XYLT1: variants seen among roughly 807,000 people sequenced by gnomAD.
The protein encoded by XYLT1 is beta-D-xylosyltransferase 1.
Under a neutral mutation model 91.3 loss-of-function variants are expected in XYLT1, and 36 were observed. The ratio of observed to expected loss-of-function variants is 0.39; its 90% CI spans 0.30 to 0.52. The LOEUF (loss-of-function observed/expected upper bound fraction) is 0.52, where lower values mean the gene tolerates loss of function less well. Ranked by LOEUF, XYLT1 falls within the 20% of genes least tolerant of loss-of-function variation. XYLT1 has a pLI of 0.68. For missense variants in XYLT1, 1,242 were observed against 1,284.5 expected, an observed-to-expected ratio of 0.97 and a Z score of 0.51; for synonymous variants, 588 against 532.0, an observed-to-expected ratio of 1.11 and a Z score of -1.45.
intron 1 of XYLT1, among the ~76,000 whole-genome samples, chr16:17,372,031 G>C (rs954322264): frequency 6.6e-6 from 1 of 152,128 alleles, no homozygotes; most frequent in African/African-American, 2.4e-5. Context: ...CCCATTCTTG[G>C]TACTAATTTC....
At chr16:17,135,484 C>T (rs2030679508) in intron 8 of XYLT1, among the ~76,000 whole-genome samples, 1 of 151,294 alleles carries the variant, frequency 6.6e-6, no homozygotes, top group Admixed American at 6.6e-5. Flanking sequence ...ACTGCCGCTG[C>T]ACTCCAGCCT....
chr16:17,262,649 T>C (rs2033740299), intron 2 of XYLT1, among the ~76,000 whole-genome samples: 1 of 152,170 alleles, frequency 6.6e-6, no homozygotes, highest in Admixed American at 6.5e-5. Context: ...AAACATGCTA[T>C]GGCCAAGAGC....
intron 2 of XYLT1, among the ~76,000 whole-genome samples, chr16:17,261,685 A>C (rs115670298): frequency 7.6e-4 from 116 of 152,262 alleles, no homozygotes; most frequent in African/African-American, 2.8e-3. Context: ...CTAGTGGCCT[A>C]TTGTGTTGCA....
intron 4 of XYLT1, 115 bp downstream of exon 4, chr16:17,200,367 C>A: frequency 7.3e-7 from 1 of 1,372,406 alleles, no homozygotes; most frequent in Non-Finnish European, 1.0e-6. Context: ...GGTCAGCTTC[C>A]AAGCCTTTTC....
intron 1 of XYLT1, among the ~76,000 whole-genome samples, chr16:17,367,642 G>C (rs971922838): frequency 2.0e-5 from 3 of 152,202 alleles, no homozygotes; most frequent in Non-Finnish European, 2.9e-5. Context: ...ATCCAAAATC[G>C]TGAGTTCAAG....
intron 2 of XYLT1, among the ~76,000 whole-genome samples, chr16:17,273,670 C>G (rs1287712599): frequency 1.3e-5 from 2 of 151,826 alleles, no homozygotes; most frequent in African/African-American, 4.8e-5. Flanking sequence ...ATGATGAAAC[C>G]CTGTCTCTAC....
intron 10 of XYLT1, among the ~76,000 whole-genome samples, chr16:17,120,842 C>T (rs2030025949): frequency 6.6e-6 from 1 of 152,118 alleles, no homozygotes; most frequent in Non-Finnish European, 1.5e-5. Context: ...ATATATTGAG[C>T]ACCTATTGTC....
chr16:17,279,060 G>A (rs2034019055), intron 2 of XYLT1, among the ~76,000 whole-genome samples: 1 of 152,196 alleles, frequency 6.6e-6, no homozygotes, highest in Non-Finnish European at 1.5e-5. Flanking sequence ...TCATGATACA[G>A]TCTCTCCCTC....
chr16:17,416,659 C>T (rs1002293861), intron 1 of XYLT1, among the ~76,000 whole-genome samples: 3 of 152,150 alleles, frequency 2.0e-5, no homozygotes, highest in Non-Finnish European at 2.9e-5. Context: ...AGCCTTTACC[C>T]TCCCCAGCTC....
At chr16:17,331,971 G>A (rs1408749796) in intron 2 of XYLT1, among the ~76,000 whole-genome samples, 1 of 152,178 alleles carries the variant, frequency 6.6e-6, no homozygotes, top group Non-Finnish European at 1.5e-5. Context: ...CCTGGAGAGT[G>A]GGTTTCTGTT....
chr16:17,111,488 A>G (rs951894273), intron 11 of XYLT1, among the ~76,000 whole-genome samples: 15 of 152,162 alleles, frequency 9.9e-5, no homozygotes, highest in African/African-American at 3.6e-4. Context: ...ATTACAAGAA[A>G]CCTTCCAAGA....
intron 3 of XYLT1, chr16:17,249,953 G>A (rs2033510316): frequency 6.6e-6 from 1 of 152,276 alleles, no homozygotes; most frequent in Non-Finnish European, 1.5e-5. Flanking sequence ...TGAGATCACA[G>A]GCGTGAGCCA....
At chr16:17,451,974 G>C (rs941896049) in intron 1 of XYLT1, among the ~76,000 whole-genome samples, 3 of 152,198 alleles carry the variant, frequency 2.0e-5, no homozygotes, top group Non-Finnish European at 4.4e-5. Flanking sequence ...CATGAAGTGT[G>C]CTGTGTTTTG....
intron 1 of XYLT1, among the ~76,000 whole-genome samples, chr16:17,374,532 C>G (rs1275364566): frequency 6.6e-6 from 1 of 152,002 alleles, no homozygotes; most frequent in Non-Finnish European, 1.5e-5. Flanking sequence ...TCAAATAATT[C>G]CTATTCCCCA....
At chr16:17,334,097 C>T (rs2034943072) in intron 2 of XYLT1, among the ~76,000 whole-genome samples, 1 of 152,156 alleles carries the variant, frequency 6.6e-6, no homozygotes, top group African/African-American at 2.4e-5. Context: ...GACAAGGCAC[C>T]ATCTCGGAAG....
At chr16:17,256,147 A>G (rs562383638) in intron 3 of XYLT1, among the ~76,000 whole-genome samples, 1 of 152,322 alleles carries the variant, frequency 6.6e-6, no homozygotes, top group Non-Finnish European at 1.5e-5. Context: ...GGGGGGCCAT[A>G]AGGAAGGTTT....
At chr16:17,122,087 G>C (rs1262799547) in intron 10 of XYLT1, among the ~76,000 whole-genome samples, 1 of 152,068 alleles carries the variant, frequency 6.6e-6, no homozygotes, top group Non-Finnish European at 1.5e-5. Context: ...AATCTTTTTT[G>C]TATAATGACT....
chr16:17,108,311 A>T lies in XYLT1; in HGVS notation c.*384T>A. The T allele has an allele frequency of 5.7e-6, 1 of 175,054 alleles. No homozygotes were observed. The highest frequency in any genetic ancestry group is 6.3e-5 in the Admixed American group (1 of 15,860). 10.8% of individuals were successfully genotyped at this position (175,054 alleles called of 1,614,324 possible). On this transcript the variant is annotated 3_prime_UTR_variant, in exon 12 of 12. Transcript: ENST00000261381. ...CAACCAGAGCAGCTTGGATTTCGTC[A>T]GCACCCTGAACCTCCACTTATGACT...
Position 17,134,561 on chromosome 16 carries a change from C to G in XYLT1, c.1939G>C (p.Val647Leu). ...AAGGAGTGGTACAAGGTGAGTGTCA[C>G]GTCGCTCAGGCTGTGGATGCCGTCA... ...EPDGIHSLSD[V>L]TLTLYHSFAR... Residue 647 changes from valine (V) to leucine (L), a missense_variant, in exon 9 of 12, where the codon GTG becomes CTG. Around this residue, in one of 3 missense-constraint regions of XYLT1, gnomAD observed 511 missense variants for 497.0 expected, o/e 1.03. Coordinates refer to ENST00000261381, the MANE Select transcript of XYLT1 (RefSeq NM_022166.4). 1 of 1,614,156 alleles carries G rather than the reference C, an allele frequency of 6.2e-7. No homozygotes were observed. The highest frequency in any genetic ancestry group is 8.5e-7 in the Non-Finnish European group (1 of 1,180,038).
Sources: gnomAD v4.1 joint callset for allele counts (sites outside exome capture counted in the v4.1 genomes callset) on GRCh38, gnomAD v4.1.1 for gene constraint, gnomAD v4.1.1 regional missense constraint, MANE v1.5 for transcripts, NCBI Gene and HGNC (gene_info 2026-07-23, HGNC 2026-07-21) for gene names.